Variants in LINGO2 observed in about 807,000 individuals in gnomAD.
LINGO2 encodes leucine-rich repeat and immunoglobulin-like domain-containing nogo receptor-interacting protein 2.
Under a neutral mutation model 30.6 loss-of-function variants are expected in LINGO2, and 14 were observed. The observed-to-expected ratio is 0.46, with a 90% CI of 0.30 to 0.72. The LOEUF (loss-of-function observed/expected upper bound fraction) is 0.72, where lower values mean the gene tolerates loss of function less well. Ranked by LOEUF, LINGO2 falls within the 30% of genes least tolerant of loss-of-function variation. LINGO2 has a pLI of 0.07. For synonymous variants in LINGO2, 317 were observed against 288.5 expected (o/e 1.10, Z -1.00); for missense variants, 729 against 751.7 (o/e 0.97, Z 0.35).
the LINGO2 span, among the ~76,000 whole-genome samples, chr9:28,852,278 T>C: frequency 3.5e-4 from 53 of 151,990 alleles, no homozygotes; most frequent in African/African-American, 1.2e-3. Flanking sequence ...AAGGTAGGGA[T>C]GGGTCAGCCT....
At chr9:28,792,151 T>C in the LINGO2 span, among the ~76,000 whole-genome samples, 1 of 152,024 alleles carries the variant, frequency 6.6e-6, no homozygotes, top group African/African-American at 2.4e-5. Flanking sequence ...ATACATTTTC[T>C]TGCCTAAGCC....
At chr9:28,943,168 C>T in the LINGO2 span, among the ~76,000 whole-genome samples, 2 of 152,098 alleles carry the variant, frequency 1.3e-5, no homozygotes, top group South Asian at 2.1e-4. Flanking sequence ...TCCCAGAATG[C>T]TAGTGTCATA....
the LINGO2 span, among the ~76,000 whole-genome samples, chr9:29,080,885 G>C: frequency 6.6e-6 from 1 of 152,038 alleles, no homozygotes; most frequent in Non-Finnish European, 1.5e-5. Context: ...GTCAATTTTG[G>C]AATAAGTGAG....
the LINGO2 span, among the ~76,000 whole-genome samples, chr9:29,012,240 C>T: frequency 1.3e-5 from 2 of 152,114 alleles, no homozygotes; most frequent in Non-Finnish European, 1.5e-5. Context: ...TGTCTGTAAT[C>T]CCAGCTACTT....
intron 4 of LINGO2, among the ~76,000 whole-genome samples, chr9:28,085,078 C>A (rs1825872657): frequency 6.6e-6 from 1 of 152,092 alleles, no homozygotes; most frequent in African/African-American, 2.4e-5. Flanking sequence ...CAGATGAGAA[C>A]TCAGAGACAG....
intron 4 of LINGO2, among the ~76,000 whole-genome samples, chr9:28,109,466 C>A (rs1344743643): frequency 1.3e-5 from 2 of 152,120 alleles, no homozygotes; most frequent in Admixed American, 6.5e-5. Context: ...TCTCTGTTTG[C>A]AGTTGACATG....
chr9:28,206,562 T>C (rs58361605), intron 4 of LINGO2, among the ~76,000 whole-genome samples: 159 of 152,300 alleles, frequency 1.0e-3, no homozygotes, highest in African/African-American at 3.7e-3. Context: ...ACTTATTTAA[T>C]TTTTATCTAT....
chr9:28,767,698 A>G, the LINGO2 span, among the ~76,000 whole-genome samples: 1 of 147,784 alleles, frequency 6.8e-6, no homozygotes, highest in Non-Finnish European at 1.5e-5. Context: ...AGGCAAGAGA[A>G]TGGCGTGAAC....
chr9:28,003,153 A>G (rs899868848), intron 5 of LINGO2, among the ~76,000 whole-genome samples: 1 of 152,212 alleles, frequency 6.6e-6, no homozygotes, highest in Non-Finnish European at 1.5e-5. Context: ...TGATCCTGCC[A>G]TATTTGTGAT....
the LINGO2 span, among the ~76,000 whole-genome samples, chr9:29,027,406 T>G: frequency 1.3e-5 from 2 of 152,136 alleles, no homozygotes; most frequent in East Asian, 3.9e-4. Flanking sequence ...GGCAGAATCT[T>G]GGCTCACTGA....
At chr9:29,213,293 C>G in the LINGO2 span, among the ~76,000 whole-genome samples, 1 of 152,148 alleles carries the variant, frequency 6.6e-6, no homozygotes, top group Non-Finnish European at 1.5e-5. Context: ...TAATGCCCCT[C>G]CCCCCTTTCT....
intron 4 of LINGO2, among the ~76,000 whole-genome samples, chr9:28,159,807 T>A (rs984857772): frequency 6.6e-6 from 1 of 152,202 alleles, no homozygotes; most frequent in Non-Finnish European, 1.5e-5. Context: ...TTATTTCAAA[T>A]ACAGTTCACA....
At chr9:28,323,646 C>T (rs1204100845) in intron 3 of LINGO2, among the ~76,000 whole-genome samples, 1 of 152,044 alleles carries the variant, frequency 6.6e-6, no homozygotes, top group African/African-American at 2.4e-5. Context: ...CCAAAATAGT[C>T]TCAAAATAAG....
chr9:28,989,069 C>A, the LINGO2 span, among the ~76,000 whole-genome samples: 2 of 152,072 alleles, frequency 1.3e-5, no homozygotes, highest in Non-Finnish European at 2.9e-5. Flanking sequence ...GTGGAACATA[C>A]AAAACACGTC....
Position 28,424,170 on chromosome 9 carries a change from T to C in LINGO2, c.-278-51302A>G, listed in dbSNP as rs577286745. On this transcript the variant is annotated intron_variant, in intron 2 of 5. Transcript: ENST00000379992. ...ACAGATTGTGAAAATGCCTAAAATA[T>C]TTTTTATTCACCTTCATGAAGAGGA... 2.6e-5 allele frequency among the ~76,000 whole-genome samples: 4 copies of C among 152,252 alleles called. No homozygotes were observed. In the East Asian group the frequency reaches 7.7e-4, roughly 29 times the overall value.
chr9:28,828,214 T>C, the LINGO2 span, among the ~76,000 whole-genome samples: 1 of 152,018 alleles, frequency 6.6e-6, no homozygotes, highest in African/African-American at 2.4e-5. Context: ...TGAATCCAAC[T>C]AGACCAGGTT....
chr9:28,521,274 T>G (rs187390096), intron 1 of LINGO2, among the ~76,000 whole-genome samples: 1 of 152,312 alleles, frequency 6.6e-6, no homozygotes, highest in Non-Finnish European at 1.5e-5. Flanking sequence ...GTCTCTGAAA[T>G]TCAATAGATG....
chr9:28,726,356 C>A, the LINGO2 span, among the ~76,000 whole-genome samples: 23 of 151,990 alleles, frequency 1.5e-4, no homozygotes, highest in Admixed American at 1.5e-3. Flanking sequence ...TAAGTTGCAA[C>A]AAGTAGACAG....
chr9:28,666,048 C>T (rs1168983611), intron 1 of LINGO2, among the ~76,000 whole-genome samples: 1 of 151,880 alleles, frequency 6.6e-6, no homozygotes, highest in Admixed American at 6.6e-5. Flanking sequence ...TGCACCACGA[C>T]ACCCGGCTAA....
Sources: gnomAD v4.1 joint callset for allele counts (sites outside exome capture counted in the v4.1 genomes callset) on GRCh38, gnomAD v4.1.1 for gene constraint, MANE v1.5 for transcripts, NCBI Gene and HGNC (gene_info 2026-07-23, HGNC 2026-07-21) for gene names.